Variants in CRAMP1 observed in about 807,000 individuals in gnomAD.
The protein encoded by CRAMP1 is cramped chromatin regulator 1.
CRAMP1 carries 50 observed loss-of-function variants against 115.4 expected under a neutral mutation model. That is an observed-to-expected ratio of 0.43 (90% CI 0.35 to 0.55). The LOEUF is 0.55. CRAMP1 is among the 20% of genes least tolerant of loss of function. The probability of loss-of-function intolerance (pLI) is 0.01; values close to 1 mark genes in which losing one functional copy is unlikely to be tolerated. For missense variants in CRAMP1, 1,679 were observed against 1,721.7 expected (o/e 0.98, Z 0.44); for synonymous variants, 866 against 745.4 (o/e 1.16, Z -2.64).
At position 1,656,181 on chromosome 16, in the gene CRAMP1, G is replaced by C; in HGVS notation, c.1424G>C (p.Arg475Pro). 6.2e-7 allele frequency: 1 copy of C among 1,602,336 alleles called. No individual in the cohort carries two copies. Among genetic ancestry groups the C allele is most frequent in the Non-Finnish European group, 8.5e-7 (1 of 1,174,958 alleles). Reference protein sequence around the residue: ...RSGAEGKGVGRPPPAADALQS... With the variant: ...RSGAEGKGVGPPPPAADALQS... Reference sequence around the variant, plus strand: ...GGAGCTGAGGGCAAGGGTGTGGGGCGGCCCCCTCCTGCGGCTGACGCCTTG... The same window carrying C: ...GGAGCTGAGGGCAAGGGTGTGGGGCCGCCCCCTCCTGCGGCTGACGCCTTG... The change falls in exon 10 of 21, where the codon CGG becomes CCG. Residue 475 changes from arginine to proline, a missense_variant. Coordinates refer to ENST00000397412, the MANE Select transcript of CRAMP1 (RefSeq NM_020825.4). This position sits in a 1 kb window ranked among gnomAD's most constrained non-coding sequence, Gnocchi z 5.6.
At chr16:1,649,785 ATTTTTTTTTTTTTTTT>A (rs35942594) in intron 6 of CRAMP1, among the ~76,000 whole-genome samples, 1 of 65,738 alleles carries the variant, frequency 1.5e-5, no homozygotes, top group Non-Finnish European at 2.6e-5. Context: ...ATGAGCCACT[ATTTTTTTTTTTTTTTT>A]TTTTTTTTTG....
At chr16:1,661,292 A>G (rs1033234715) in intron 11 of CRAMP1, among the ~76,000 whole-genome samples, 1 of 152,152 alleles carries the variant, frequency 6.6e-6, no homozygotes. Flanking sequence ...ACTGCACTCC[A>G]GCCTGGGTGA....
intron 8 of CRAMP1, 142 bp from the exon 9 acceptor site, chr16:1,655,077 T>C: frequency 1.5e-6 from 1 of 677,258 alleles, no homozygotes; most frequent in South Asian, 1.7e-5. Context: ...CCAAGGGCCC[T>C]GCAGACGCCC....
chr16:1,648,902 C>G (rs958296641), intron 6 of CRAMP1, among the ~76,000 whole-genome samples: 2 of 150,732 alleles, frequency 1.3e-5, no homozygotes, highest in Admixed American at 1.3e-4. Flanking sequence ...ACTAAAAATA[C>G]AAAAAAATTA....
At chr16:1,673,081 C>T (rs1470374035) in intron 20 of CRAMP1, among the ~76,000 whole-genome samples, 1 of 152,058 alleles carries the variant, frequency 6.6e-6, no homozygotes, top group Non-Finnish European at 1.5e-5. Flanking sequence ...TCCACCTGTC[C>T]TCATTTCTCT....
chr16:1,618,183 C>G (rs1040702617), intron 2 of CRAMP1, among the ~76,000 whole-genome samples: 2 of 152,196 alleles, frequency 1.3e-5, no homozygotes, highest in African/African-American at 4.8e-5. Context: ...AAAATAAACA[C>G]CTGCCTCAGA....
intron 10 of CRAMP1, among the ~76,000 whole-genome samples, chr16:1,657,643 C>T (rs1349059994): frequency 6.6e-6 from 1 of 152,172 alleles, no homozygotes; most frequent in African/African-American, 2.4e-5. Context: ...AGGACGGTCC[C>T]TGCAGGGTGT....
In CRAMP1 at chr16:1,626,213, C is replaced by G. The variant is rs751645375; in HGVS notation, c.540+47C>G. On this transcript the variant is annotated intron_variant, in intron 3 of 20. Coordinates refer to ENST00000397412, the MANE Select transcript of CRAMP1 (RefSeq NM_020825.4). Reference sequence around the variant, plus strand: ...GGCCAGGCAGCCTGGGCGTCCCTCTCGGATCCCTGCCCTCCGTTCCCCGTG... The same window carrying G: ...GGCCAGGCAGCCTGGGCGTCCCTCTGGGATCCCTGCCCTCCGTTCCCCGTG... The G allele has an allele frequency of 1.4e-5, 20 of 1,414,556 alleles. No homozygotes were observed. The Admixed American group carries it at 3.4e-4, about 24-fold the overall frequency. 87.6% of individuals were successfully genotyped at this position (1,414,556 alleles called of 1,614,324 possible).
chr16:1,619,769 C>T (rs890670470), intron 2 of CRAMP1, among the ~76,000 whole-genome samples: 14 of 152,110 alleles, frequency 9.2e-5, no homozygotes, highest in African/African-American at 2.2e-4. Context: ...GTGGGAGTCC[C>T]GGCAGAGAAG....
chr16:1,620,462 C>T (rs2036456883), intron 2 of CRAMP1, among the ~76,000 whole-genome samples: 1 of 152,154 alleles, frequency 6.6e-6, no homozygotes, highest in Admixed American at 6.5e-5. Flanking sequence ...CCTCTCACCT[C>T]CAGACCAGAC....
intron 2 of CRAMP1, among the ~76,000 whole-genome samples, chr16:1,618,585 C>G (rs1010241001): frequency 7.2e-5 from 11 of 152,216 alleles, no homozygotes; most frequent in African/African-American, 2.4e-4. Flanking sequence ...TGGGGAAATG[C>G]ACCATCTCCA....
intron 10 of CRAMP1, among the ~76,000 whole-genome samples, chr16:1,657,817 C>A (rs2036789166): frequency 6.6e-6 from 1 of 152,214 alleles, no homozygotes; most frequent in Non-Finnish European, 1.5e-5. Flanking sequence ...CACGGCAGGT[C>A]CATCCTGAAA....
chr16:1,626,962 C>T (rs1233900939), intron 3 of CRAMP1, among the ~76,000 whole-genome samples: 1 of 152,172 alleles, frequency 6.6e-6, no homozygotes, highest in Non-Finnish European at 1.5e-5. Flanking sequence ...GACAGGGTGG[C>T]CCTTGAGGCC....
intron 6 of CRAMP1, among the ~76,000 whole-genome samples, chr16:1,648,202 C>T (rs892166980): frequency 6.6e-5 from 10 of 152,138 alleles, no homozygotes; most frequent in African/African-American, 1.9e-4. Context: ...GACACAGCTC[C>T]GCCAGCTGTT....
intron 7 of CRAMP1, among the ~76,000 whole-genome samples, 195 bp downstream of exon 7, chr16:1,652,776 T>C (rs1043525325): frequency 1.3e-5 from 2 of 152,314 alleles, no homozygotes; most frequent in East Asian, 1.9e-4. Context: ...CTCAGAGCCA[T>C]GGCAGCAGTC....
intron 2 of CRAMP1, among the ~76,000 whole-genome samples, chr16:1,618,081 A>C (rs1253402799): frequency 6.6e-6 from 1 of 152,202 alleles, no homozygotes; most frequent in African/African-American, 2.4e-5. Context: ...CATCTGAAAG[A>C]CATAAGTCAG....
rs2036924377 is a variant in CRAMP1 at position 1,671,623 on chromosome 16, G to A, written c.3645+814G>A. On this transcript the variant is annotated intron_variant, in intron 20 of 20. Transcript: ENST00000397412. The surrounding 1 kb of genome is among the most constrained non-coding windows in gnomAD (Gnocchi z 5.0). ...CCAGGAGATCATCCGCATGGGCTTAGCCCATGTGAAAGTCCTGGAGCAGCA... is the reference window on the plus strand; with the variant it reads ...CCAGGAGATCATCCGCATGGGCTTAACCCATGTGAAAGTCCTGGAGCAGCA... Among the ~76,000 whole-genome samples, 1 of 152,168 alleles carries A rather than the reference G, an allele frequency of 6.6e-6. No individual in the cohort carries two copies. The highest frequency in any genetic ancestry group is 2.4e-5 in the African/African-American group (1 of 41,434).
intron 6 of CRAMP1, among the ~76,000 whole-genome samples, chr16:1,647,763 A>C (rs1012004431): frequency 3.3e-5 from 5 of 151,444 alleles, no homozygotes; most frequent in Admixed American, 1.3e-4. Flanking sequence ...AAAAAAAAAA[A>C]AAAAAAAAAA....
intron 2 of CRAMP1, among the ~76,000 whole-genome samples, chr16:1,621,159 T>C (rs1040690429): frequency 3.3e-5 from 5 of 152,276 alleles, no homozygotes; most frequent in South Asian, 2.1e-4. Context: ...TTGAAAGATA[T>C]GGATACTTTT....
Sources: gnomAD v4.1 joint callset for allele counts (sites outside exome capture counted in the v4.1 genomes callset) on GRCh38, gnomAD v4.1.1 for gene constraint, Gnocchi (gnomAD v3.1) non-coding constraint, MANE v1.5 for transcripts, NCBI Gene and HGNC (gene_info 2026-07-23, HGNC 2026-07-21) for gene names.